ARHGEF28: variants seen among roughly 807,000 people sequenced by gnomAD.
ARHGEF28 encodes the protein 190 kDa guanine nucleotide exchange factor.
ARHGEF28 carries 152 observed loss-of-function variants against 206.6 expected under a neutral mutation model. The ratio of observed to expected loss-of-function variants is 0.74; its 90% CI spans 0.64 to 0.84. The LOEUF (loss-of-function observed/expected upper bound fraction) is 0.84. ARHGEF28 is among the 40% of genes least tolerant of loss of function. The pLI is 0.00. For missense variants in ARHGEF28, 2,028 were observed against 2,073.2 expected, an observed-to-expected ratio of 0.98 and a Z score of 0.42; for synonymous variants, 763 against 776.4, an observed-to-expected ratio of 0.98 and a Z score of 0.29.
At chr5:73,647,214 A>G (rs930461356) in intron 1 of ARHGEF28, among the ~76,000 whole-genome samples, 1 of 152,244 alleles carries the variant, frequency 6.6e-6, no homozygotes, top group Non-Finnish European at 1.5e-5. Context: ...GTATAAAATT[A>G]TTAAAAATAT....
At chr5:73,674,175 C>T (rs1208100596) in intron 1 of ARHGEF28, among the ~76,000 whole-genome samples, 2 of 152,028 alleles carry the variant, frequency 1.3e-5, no homozygotes, top group African/African-American at 4.8e-5. Flanking sequence ...TGTTTCAAAA[C>T]AAAAACAAAA....
intron 22 of ARHGEF28, among the ~76,000 whole-genome samples, chr5:73,880,670 C>G (rs1409135785): frequency 6.6e-6 from 1 of 152,178 alleles, no homozygotes; most frequent in Non-Finnish European, 1.5e-5. Flanking sequence ...TGGTGGCTCA[C>G]GCCTGTAAGC....
chr5:73,763,414 C>G (rs1752718050), intron 4 of ARHGEF28, among the ~76,000 whole-genome samples: 1 of 152,202 alleles, frequency 6.6e-6, no homozygotes, highest in African/African-American at 2.4e-5. Flanking sequence ...TGGACCCTGC[C>G]TGGCTGTAGG....
chr5:73,940,771 G>A, intron 35 of ARHGEF28, 73 bp from the exon 36 acceptor site: 3 of 1,281,760 alleles, frequency 2.3e-6, no homozygotes, highest in Non-Finnish European at 3.0e-6. Flanking sequence ...ATCTTAGAGA[G>A]CTCTAACGCC....
chr5:73,867,781 T>C (rs1759802045), intron 18 of ARHGEF28, 95 bp from the exon 19 acceptor site: 1 of 1,501,546 alleles, frequency 6.7e-7, no homozygotes, highest in Non-Finnish European at 9.1e-7. Context: ...TTACAAGTAG[T>C]CATTGCAGGG....
chr5:73,881,505 T>C (rs1217965883), intron 22 of ARHGEF28, among the ~76,000 whole-genome samples: 1 of 152,220 alleles, frequency 6.6e-6, no homozygotes. Context: ...GTCATATATG[T>C]GTTTTGTTAG....
chr5:73,653,163 A>C (rs1006740537), intron 1 of ARHGEF28, among the ~76,000 whole-genome samples: 1 of 152,202 alleles, frequency 6.6e-6, no homozygotes. Flanking sequence ...CCCTGCTCCA[A>C]GTGTGCATGA....
At chr5:73,709,778 A>G (rs553596192) in intron 2 of ARHGEF28, among the ~76,000 whole-genome samples, 1 of 152,330 alleles carries the variant, frequency 6.6e-6, no homozygotes, top group East Asian at 1.9e-4. Context: ...TAGAGCCTCC[A>G]GTGGTATACT....
At chr5:73,708,797 C>T (rs575115858) in intron 2 of ARHGEF28, among the ~76,000 whole-genome samples, 1 of 152,346 alleles carries the variant, frequency 6.6e-6, no homozygotes, top group African/African-American at 2.4e-5. Context: ...CTGCTTTCCA[C>T]AGTGGTTGAA....
intron 2 of ARHGEF28, among the ~76,000 whole-genome samples, chr5:73,737,423 C>T (rs1443788949): frequency 7.4e-6 from 1 of 135,484 alleles, no homozygotes; most frequent in African/African-American, 2.7e-5. Flanking sequence ...GTTTCTCTCC[C>T]CACCGAGCCC....
intron 11 of ARHGEF28, among the ~76,000 whole-genome samples, chr5:73,842,662 A>G (rs1007890382): frequency 2.0e-5 from 3 of 152,152 alleles, no homozygotes; most frequent in African/African-American, 7.2e-5. Context: ...ATGTGTGATA[A>G]ATGCATTCTA....
rs1323121498 is a variant in ARHGEF28 at position 73,858,104 on chromosome 5, CA to C, written c.1935del (p.Asp646IlefsTer5). On this transcript the variant is annotated frameshift_variant, in exon 16 of 36. Coordinates refer to ENST00000513042, the MANE Select transcript of ARHGEF28 (RefSeq NM_001177693.2). LOFTEE classifies it high-confidence loss of function. ...ATCTGAAGACAAAAAGCAAGGATGC[CA>C]AAGATAAAGAGAAGCTGAATCGACA... ...NKSKTKSKDA[K>X]DKEKLNRHQF... 2 of 1,607,730 alleles carry C rather than the reference CA, an allele frequency of 1.2e-6. No individual in the cohort carries two copies. The highest frequency in any genetic ancestry group is 8.5e-7 in the Non-Finnish European group (1 of 1,178,190).
rs1751451884 is a variant in ARHGEF28, at chr5:73,741,815, T to C, written c.34-8022T>C. ...TAATATATGCATTTAATTATGTTAA[T>C]TATTTCTTTGGGTAAGTTATTTTAA... On this transcript the variant is annotated intron_variant, in intron 2 of 35. Coordinates refer to ENST00000513042, the MANE Select transcript of ARHGEF28 (RefSeq NM_001177693.2). 2.0e-5 allele frequency among the ~76,000 whole-genome samples: 3 copies of C among 152,204 alleles called. No individual in the cohort carries two copies. The South Asian group carries it at 6.2e-4, about 32-fold the overall frequency.
At chr5:73,739,322 T>C (rs1580548916) in intron 2 of ARHGEF28, among the ~76,000 whole-genome samples, 1 of 152,242 alleles carries the variant, frequency 6.6e-6, no homozygotes, top group Admixed American at 6.5e-5. Context: ...ATAATCCTTT[T>C]AGATTTCATA....
intron 9 of ARHGEF28, among the ~76,000 whole-genome samples, chr5:73,802,390 C>T (rs1755192594): frequency 6.6e-6 from 1 of 152,154 alleles, no homozygotes; most frequent in Admixed American, 6.5e-5. Context: ...GGCATTAGTA[C>T]TAACCTACCT....
chr5:73,883,031 G>C (rs1030658480), intron 23 of ARHGEF28, among the ~76,000 whole-genome samples: 4 of 152,108 alleles, frequency 2.6e-5, no homozygotes, highest in Admixed American at 2.0e-4. Flanking sequence ...AGTAACAATA[G>C]TTTTTGATAT....
At position 73,874,903 on chromosome 5, in the gene ARHGEF28, G is replaced by A. The variant is rs1018645851; in HGVS notation, c.2814+1657G>A. ...TACGTGTGCATGTGTCTTTATAGCA[G>A]CATGATTTATAGTCCTTTGGGTATA... On this transcript the variant is annotated intron_variant, in intron 22 of 35. Transcript: ENST00000513042. Among the ~76,000 whole-genome samples, 809 of 151,260 alleles carry A rather than the reference G, an allele frequency of 5.3e-3. 8 individuals are homozygous for A. Among genetic ancestry groups the A allele is most frequent in the African/African-American group, 0.019 (774 of 41,034 alleles).
At chr5:73,854,676 A>G (rs1246926029) in intron 14 of ARHGEF28, among the ~76,000 whole-genome samples, 1 of 152,098 alleles carries the variant, frequency 6.6e-6, no homozygotes, top group Non-Finnish European at 1.5e-5. Context: ...ACTAAAATAT[A>G]CAAAAATTAG....
intron 20 of ARHGEF28, 44 bp downstream of exon 20, chr5:73,868,271 A>G: frequency 6.6e-7 from 1 of 1,519,454 alleles, no homozygotes; most frequent in Non-Finnish European, 8.9e-7. Flanking sequence ...TTTTGTTAGC[A>G]TTTGCCAAAA....
Sources: gnomAD v4.1 joint callset for allele counts (sites outside exome capture counted in the v4.1 genomes callset) on GRCh38, gnomAD v4.1.1 for gene constraint, MANE v1.5 for transcripts, NCBI Gene and HGNC (gene_info 2026-07-23, HGNC 2026-07-21) for gene names.